SRCIN1: variants seen among roughly 807,000 people sequenced by gnomAD.
The protein encoded by SRCIN1 is P130Cas-associated protein.
A neutral mutation model predicts 116.2 loss-of-function variants in SRCIN1; 50 were observed. That is an observed-to-expected ratio of 0.43 (90% CI 0.34 to 0.54). The LOEUF (loss-of-function observed/expected upper bound fraction) is 0.54, where lower values mean the gene tolerates loss of function less well. SRCIN1 is among the 20% of genes least tolerant of loss of function. SRCIN1 has a pLI of 0.02. For missense variants in SRCIN1, 1,446 were observed against 1,672.0 expected, an observed-to-expected ratio of 0.86 and a Z score of 2.36; for synonymous variants, 736 against 750.0, an observed-to-expected ratio of 0.98 and a Z score of 0.30.
In SRCIN1 at chr17:38,568,611, G is replaced by A. The variant is rs1254780045; in HGVS notation, c.325-380C>T. Among the ~76,000 whole-genome samples the A allele has an allele frequency of 1.3e-5, 2 of 152,128 alleles. No homozygotes were observed. Among genetic ancestry groups the A allele is most frequent in the Non-Finnish European group, 1.5e-5 (1 of 68,024 alleles). On this transcript the variant is annotated intron_variant, in intron 2 of 18. Transcript: ENST00000617146. This position sits in a 1 kb window ranked among gnomAD's most constrained non-coding sequence, Gnocchi z 4.5. ...CTTGGAAGAGGTGGCATTTGAGTTG[G>A]GTCTGGAAAAACGAGCAGCTGGAGA...
chr17:38,550,222 T>A (rs148402568), intron 15 of SRCIN1, among the ~76,000 whole-genome samples: 3 of 152,126 alleles, frequency 2.0e-5, no homozygotes, highest in African/African-American at 4.8e-5. Context: ...AGGCCAGGCG[T>A]GGTGGCTCAA....
At chr17:38,557,762 C>A (rs573605351) in intron 11 of SRCIN1, among the ~76,000 whole-genome samples, 4 of 152,358 alleles carry the variant, frequency 2.6e-5, no homozygotes, top group African/African-American at 9.6e-5. Flanking sequence ...TTGGCTATAT[C>A]TGGACTCAGA....
chr17:38,587,865 T>G (rs1438674694), intron 1 of SRCIN1, among the ~76,000 whole-genome samples: 1 of 152,074 alleles, frequency 6.6e-6, no homozygotes, highest in Non-Finnish European at 1.5e-5. Flanking sequence ...TCCCCATCCT[T>G]GCAAAATGTG....
intron 7 of SRCIN1, 111 bp downstream of exon 7, chr17:38,561,352 G>A: frequency 7.7e-7 from 1 of 1,293,832 alleles, no homozygotes; most frequent in East Asian, 3.0e-5. Context: ...GGTCTCCAAA[G>A]GACTCCAGGA....
intron 18 of SRCIN1, among the ~76,000 whole-genome samples, chr17:38,536,553 G>A (rs535013772): frequency 1.3e-5 from 2 of 152,264 alleles, no homozygotes; most frequent in South Asian, 4.1e-4. Flanking sequence ...CCATGTTCCC[G>A]AGGCCCTTCA....
rs1353596507 is a variant in SRCIN1 at position 38,562,567 on chromosome 17, G to A, written c.835-239C>T. ...TCAGCTCAGCTACCGTGAGGGGTGG[G>A]AAGTAGAAGGGGAAGGGGTGGCTCC... On this transcript the variant is annotated intron_variant, in intron 6 of 18. Transcript: ENST00000617146. The surrounding 1 kb of genome is among the most constrained non-coding windows in gnomAD (Gnocchi z 4.2). 6.6e-6 allele frequency among the ~76,000 whole-genome samples: 1 copy of A among 152,254 alleles called. No individual in the cohort carries two copies. The highest frequency in any genetic ancestry group is 1.5e-5 in the Non-Finnish European group (1 of 68,042).
At chr17:38,548,496 G>GC (rs1226389984) in intron 17 of SRCIN1, 61 bp downstream of exon 17, 1 of 1,588,064 alleles carries the variant, frequency 6.3e-7, no homozygotes, top group Non-Finnish European at 8.6e-7. Flanking sequence ...GGCCTGGGGG[G>GC]CAGCCTGGGA....
Position 38,563,296 on chromosome 17 carries a change from C to G in SRCIN1, c.740+27G>C, listed in dbSNP as rs1250853209. Reference sequence around the variant, plus strand: ...CAGAGGAGGAGCGTGGGGAAGCCCACCCAAATCCCCCCCGGTCCACGCCCA... The same window carrying G: ...CAGAGGAGGAGCGTGGGGAAGCCCAGCCAAATCCCCCCCGGTCCACGCCCA... On this transcript the variant is annotated intron_variant, in intron 5 of 18. Coordinates refer to ENST00000617146, the MANE Select transcript of SRCIN1 (RefSeq NM_025248.3). This position sits in a 1 kb window ranked among gnomAD's most constrained non-coding sequence, Gnocchi z 5.8. The G allele has an allele frequency of 1.9e-6, 3 of 1,557,194 alleles. No individual in the cohort carries two copies. The highest frequency in any genetic ancestry group is 2.4e-5 in the East Asian group (1 of 41,262).
intron 18 of SRCIN1, chr17:38,542,441 GC>G (rs1904809098): frequency 6.5e-6 from 1 of 153,038 alleles, no homozygotes; most frequent in Non-Finnish European, 1.5e-5. Flanking sequence ...TAATGCGCAT[GC>G]CTGGCCCCAG....
At chr17:38,597,247 G>A (rs1597938342) in intron 1 of SRCIN1, among the ~76,000 whole-genome samples, 1 of 152,226 alleles carries the variant, frequency 6.6e-6, no homozygotes, top group African/African-American at 2.4e-5. Flanking sequence ...TCCTGGATGA[G>A]GCAGTGGGAG....
At chr17:38,555,091 C>T (rs1187130920) in intron 11 of SRCIN1, among the ~76,000 whole-genome samples, 2 of 152,228 alleles carry the variant, frequency 1.3e-5, no homozygotes, top group Non-Finnish European at 2.9e-5. Context: ...GTGCCACACT[C>T]AGGCCTTGGC....
At chr17:38,598,534 G>A (rs1450808898) in intron 1 of SRCIN1, among the ~76,000 whole-genome samples, 1 of 152,056 alleles carries the variant, frequency 6.6e-6, no homozygotes, top group Non-Finnish European at 1.5e-5. Flanking sequence ...GAGTCTGGGG[G>A]CCCCTCTATG....
chr17:38,537,829 C>T (rs1446302017), intron 18 of SRCIN1, among the ~76,000 whole-genome samples: 2 of 148,912 alleles, frequency 1.3e-5, no homozygotes, highest in African/African-American at 2.5e-5. Context: ...AGGCCAGTCA[C>T]GGTGGTTCAC....
At chr17:38,534,197 G>A (rs978418035) in intron 18 of SRCIN1, among the ~76,000 whole-genome samples, 2 of 152,158 alleles carry the variant, frequency 1.3e-5, no homozygotes, top group African/African-American at 2.4e-5. Context: ...CAACTCCACC[G>A]GTCCTGGAGG....
At chr17:38,579,093 G>T (rs1341671374) in intron 1 of SRCIN1, among the ~76,000 whole-genome samples, 1 of 152,240 alleles carries the variant, frequency 6.6e-6, no homozygotes, top group African/African-American at 2.4e-5. Context: ...TGAGGCCAAG[G>T]GTTGGGGGTT....
chr17:38,547,670 T>C, intron 17 of SRCIN1: 1 of 256,456 alleles, frequency 3.9e-6, no homozygotes. Flanking sequence ...TGACTGGCGT[T>C]TTAGCGGGTT....
chr17:38,578,429 ACCT>A (rs1907552613), intron 2 of SRCIN1, 58 bp downstream of exon 2: 5 of 1,505,064 alleles, frequency 3.3e-6, no homozygotes, highest in Non-Finnish European at 4.4e-6. Flanking sequence ...ACGGGGTCAG[ACCT>A]CCTCCCCTGC....
chr17:38,560,355 C>T lies in SRCIN1; in HGVS notation c.1771G>A (p.Gly591Ser), dbSNP rs1281713985. Residue 591 changes from glycine (G) to serine (S), a missense_variant, in exon 8 of 19, where the codon GGC becomes AGC. Around this residue, in one of 5 missense-constraint regions of SRCIN1, gnomAD observed 398 missense variants for 385.6 expected, o/e 1.03. Transcript: ENST00000617146. ...TGLVQSALLR[G>S]SEPETPSEKI... ...CACCTGGGGGTCTCAGGCTCAGAGC[C>T]TCGCAGTAAGGCGCTCTGCACCAGG... 1 of 1,611,176 alleles carries T rather than the reference C, an allele frequency of 6.2e-7. No homozygotes were observed. Among genetic ancestry groups the T allele is most frequent in the South Asian group, 1.1e-5 (1 of 90,134 alleles).
intron 1 of SRCIN1, among the ~76,000 whole-genome samples, chr17:38,601,649 C>CAT (rs1909035040): frequency 7.0e-6 from 1 of 142,318 alleles, no homozygotes; most frequent in South Asian, 2.3e-4. Flanking sequence ...CACACACACA[C>CAT]ACACGCTCGC....
Sources: allele counts gnomAD v4.1 joint callset (sites outside exome capture counted in the v4.1 genomes callset), GRCh38; gene constraint gnomAD v4.1.1; regional missense constraint gnomAD v4.1.1; non-coding constraint Gnocchi (gnomAD v3.1); transcripts MANE v1.5; gene names NCBI Gene and HGNC (gene_info 2026-07-23, HGNC 2026-07-21).